Variants in DCBLD2 observed in about 807,000 individuals in gnomAD.
The protein encoded by DCBLD2 is discoidin, CUB and LCCL domain containing 2, also known as discoidin, CUB and LCCL domain-containing protein 2.
DCBLD2 carries 54 observed loss-of-function variants against 86.8 expected under a neutral mutation model. That is an observed-to-expected ratio of 0.62 (90% CI 0.50 to 0.78). The LOEUF is 0.78. DCBLD2 is among the 30% of genes least tolerant of loss of function. The pLI is 0.00. For synonymous variants in DCBLD2, 354 were observed against 341.3 expected (o/e 1.04, Z -0.41); for missense variants, 908 against 954.2 (o/e 0.95, Z 0.64).
chr3:98,901,211 C>G lies in DCBLD2; in HGVS notation c.116G>C (p.Cys39Ser). 1 of 1,535,978 alleles carries G rather than the reference C, an allele frequency of 6.5e-7. No individual in the cohort carries two copies. Among genetic ancestry groups the G allele is most frequent in the Non-Finnish European group, 8.7e-7 (1 of 1,146,476 alleles). Residue 39 changes from cysteine to serine, a missense_variant, in exon 1 of 16, where the codon TGC becomes TCC. By Grantham distance (112) the Cys-to-Ser change is moderately radical (BLOSUM62 -1). Transcript: ENST00000326840. ...CATGGAGAAGGAGGAGGAGTTGGAG[C>G]AGGGAGGGAGGGAGCGGGAGAGGGG... is the stretch of plus-strand genomic sequence containing the variant. Reference protein sequence around the residue: ...ALPLSRSLPPCSNSSSFSMPL... With the variant: ...ALPLSRSLPPSSNSSSFSMPL...
At chr3:98,818,008 A>G (rs1474053940) in intron 8 of DCBLD2, 115 bp from the exon 9 acceptor site, 3 of 1,304,418 alleles carry the variant, frequency 2.3e-6, no homozygotes, top group Admixed American at 2.3e-5. Context: ...ATTATGGCTC[A>G]TTTCCATATC....
chr3:98,810,403 G>T (rs1353404051), intron 12 of DCBLD2, among the ~76,000 whole-genome samples: 1 of 152,166 alleles, frequency 6.6e-6, no homozygotes, highest in Non-Finnish European at 1.5e-5. Context: ...CTGAATCCAG[G>T]CAAACTTTCA....
At chr3:98,849,839 A>G (rs765909026) in intron 2 of DCBLD2, among the ~76,000 whole-genome samples, 4 of 152,220 alleles carry the variant, frequency 2.6e-5, no homozygotes, top group Non-Finnish European at 4.4e-5. Context: ...TATAGAGATT[A>G]ATTTCCTGTG....
intron 1 of DCBLD2, 33 bp from the exon 2 acceptor site, chr3:98,881,800 T>C (rs752369945): frequency 1.9e-6 from 3 of 1,570,702 alleles, no homozygotes; most frequent in Non-Finnish European, 1.7e-6. Context: ...GATAAATTAT[T>C]CTCACATATT....
At chr3:98,804,932 G>A (rs1205296152) in intron 13 of DCBLD2, 1 of 152,202 alleles carries the variant, frequency 6.6e-6, no homozygotes, top group Non-Finnish European at 1.5e-5. Flanking sequence ...TTTCTTTTCT[G>A]TTACATTTGC....
At chr3:98,868,096 C>T (rs150037232) in intron 2 of DCBLD2, among the ~76,000 whole-genome samples, 1 of 152,270 alleles carries the variant, frequency 6.6e-6, no homozygotes, top group Non-Finnish European at 1.5e-5. Flanking sequence ...AGCCACCGTG[C>T]CCGACCAGAA....
rs56369137 is a variant in DCBLD2 at position 98,797,036 on chromosome 3, T to TAAAAAAAAAAAAAAAA, written c.*2320_*2335dup. 2 of 133,386 alleles carry TAAAAAAAAAAAAAAAA rather than the reference T, an allele frequency of 1.5e-5. No individual in the cohort carries two copies. The highest frequency in any genetic ancestry group is 1.6e-5 in the Non-Finnish European group (1 of 62,668). 8.3% of individuals were successfully genotyped at this position (133,386 alleles called of 1,614,324 possible). On this transcript the variant is annotated 3_prime_UTR_variant, in exon 16 of 16. Transcript: ENST00000326840. Reference sequence around the variant, plus strand: ...ATATGTATCAGACATATAAATGTAGTAAAAAAAAAAAAAAAAAAAATAGAA... The same window carrying TAAAAAAAAAAAAAAAA: ...ATATGTATCAGACATATAAATGTAGTAAAAAAAAAAAAAAAAAAAAAAAAAAAAAAAAAAAATAGAA...
intron 2 of DCBLD2, among the ~76,000 whole-genome samples, chr3:98,877,110 T>C (rs1033040814): frequency 1.3e-5 from 2 of 152,210 alleles, no homozygotes; most frequent in African/African-American, 4.8e-5. Flanking sequence ...ATCTACCTTT[T>C]TGTACAGTTT....
intron 6 of DCBLD2, among the ~76,000 whole-genome samples, chr3:98,820,510 C>G (rs1181784655): frequency 6.6e-6 from 1 of 152,162 alleles, no homozygotes; most frequent in Non-Finnish European, 1.5e-5. Flanking sequence ...CTACAAGTAT[C>G]TAGCACCCAG....
intron 8 of DCBLD2, 88 bp downstream of exon 8, chr3:98,819,114 T>G: frequency 7.7e-7 from 1 of 1,293,904 alleles, no homozygotes. Context: ...TTTTAATGCC[T>G]TAATTTTCTC....
At chr3:98,886,671 T>C (rs916266166) in intron 1 of DCBLD2, among the ~76,000 whole-genome samples, 1 of 152,014 alleles carries the variant, frequency 6.6e-6, no homozygotes, top group African/African-American at 2.4e-5. Flanking sequence ...CACTGGAATT[T>C]GATCTTAATG....
chr3:98,833,288 T>C (rs1208322922), intron 3 of DCBLD2, among the ~76,000 whole-genome samples: 1 of 152,204 alleles, frequency 6.6e-6, no homozygotes, highest in Non-Finnish European at 1.5e-5. Context: ...TCAGGTCAGT[T>C]AGATTCTTTT....
chr3:98,800,107 T>C (rs1436035996), intron 15 of DCBLD2, among the ~76,000 whole-genome samples: 1 of 152,244 alleles, frequency 6.6e-6, no homozygotes, highest in Non-Finnish European at 1.5e-5. Flanking sequence ...AGACAACATA[T>C]TTCTTTACTG....
intron 3 of DCBLD2, among the ~76,000 whole-genome samples, chr3:98,825,646 TATA>T: frequency 6.6e-5 from 1 of 15,234 alleles, no homozygotes; most frequent in African/African-American, 4.2e-4. Flanking sequence ...TGTGTATTTA[TATA>T]TATATATATA....
At chr3:98,807,690 C>T (rs191086263) in intron 13 of DCBLD2, among the ~76,000 whole-genome samples, 4 of 152,218 alleles carry the variant, frequency 2.6e-5, no homozygotes, top group South Asian at 2.1e-4. Flanking sequence ...TCCCCTTTCC[C>T]GAAGAAAAAA....
intron 3 of DCBLD2, among the ~76,000 whole-genome samples, chr3:98,844,547 A>G (rs1487837700): frequency 6.6e-6 from 1 of 151,924 alleles, no homozygotes; most frequent in Non-Finnish European, 1.5e-5. Context: ...ATTTTTAGTA[A>G]AGACAGGTTT....
At chr3:98,801,362 C>G (rs1245066606) in intron 14 of DCBLD2, 8 of 447,408 alleles carry the variant, frequency 1.8e-5, no homozygotes, top group Non-Finnish European at 3.2e-5. Flanking sequence ...CACAAGTTTT[C>G]CAGAAGAAAA....
Position 98,799,771 on chromosome 3 carries a change from T to G in DCBLD2, c.1929A>C (p.Glu643Asp). The change falls in exon 16 of 16, where the codon GAA becomes GAC. Residue 643 changes from glutamate (E) to aspartate (D), a missense_variant. By Grantham distance (45) the Glu-to-Asp change is conservative. This residue lies in a region of DCBLD2 where 606 missense variants were observed against 678.5 expected (regional missense o/e 0.89). Coordinates refer to ENST00000326840, the MANE Select transcript of DCBLD2 (RefSeq NM_080927.4). ...LHQRSTFKPEEGKEAGYADLD... is the reference protein window; with the variant it reads ...LHQRSTFKPEDGKEAGYADLD... ...GGTCTGCATAGCCTGCTTCTTTTCC[T>G]TCTTCTGGTTTAAAGGTAGATCTTT... 2.0e-5 allele frequency: 33 copies of G among 1,613,912 alleles called. No individual in the cohort carries two copies. Among genetic ancestry groups the G allele is most frequent in the Non-Finnish European group, 2.8e-5 (33 of 1,179,840 alleles).
chr3:98,822,542 TATG>T (rs2107449139), intron 5 of DCBLD2, 124 bp downstream of exon 5: 1 of 1,234,876 alleles, frequency 8.1e-7, no homozygotes, highest in South Asian at 1.7e-5. Flanking sequence ...ATAAAACACA[TATG>T]ATTAAAAAAT....
Sources: gnomAD v4.1 joint callset for allele counts (sites outside exome capture counted in the v4.1 genomes callset) on GRCh38, gnomAD v4.1.1 for gene constraint, gnomAD v4.1.1 regional missense constraint, MANE v1.5 for transcripts, NCBI Gene and HGNC (gene_info 2026-07-23, HGNC 2026-07-21) for gene names.